The following LRCH1 variants were observed in gnomAD, a reference collection of about 807,000 sequenced individuals.
LRCH1 encodes the protein leucine-rich repeat and calponin homology domain-containing protein 1.
Under a neutral mutation model 94.9 loss-of-function variants are expected in LRCH1, and 23 were observed. The observed-to-expected ratio is 0.24, with a 90% CI of 0.17 to 0.34. LRCH1 has a LOEUF of 0.34. Ranked by LOEUF, LRCH1 falls within the 10% of genes least tolerant of loss-of-function variation. The pLI is 1.00. For missense variants in LRCH1, 790 were observed against 945.9 expected (o/e 0.84, Z 2.16); for synonymous variants, 364 against 354.9 (o/e 1.03, Z -0.29).
chr13:46,615,974 C>A (rs1216181504), intron 1 of LRCH1, among the ~76,000 whole-genome samples: 1 of 152,082 alleles, frequency 6.6e-6, no homozygotes, highest in Non-Finnish European at 1.5e-5. Context: ...CTTGTGGTTA[C>A]GATTTGTTAA....
Position 46,669,145 on chromosome 13 carries a change from T to G in LRCH1, c.568T>G (p.Leu190Val). The G allele has an allele frequency of 6.2e-7, 1 of 1,613,964 alleles. No individual in the cohort carries two copies. The highest frequency in any genetic ancestry group is 1.1e-5 in the South Asian group (1 of 91,062). ...AGAAGAGATAGGTCAGCTCAAACAG[T>G]TAATGGAGCTGGTATGTTACCGATT... The part of the protein sequence containing the change: ...LPEEIGQLKQ[L>V]MELDVSCNEI... Residue 190 changes from leucine (L) to valine (V), a missense_variant, in exon 3 of 20, where the codon TTA becomes GTA. By Grantham distance (32) the Leu-to-Val change is conservative. This residue lies in a region of LRCH1 where 194 missense variants were observed against 293.5 expected (regional missense o/e 0.66). Coordinates refer to ENST00000389797, the MANE Select transcript of LRCH1 (RefSeq NM_001164211.2).
intron 11 of LRCH1, among the ~76,000 whole-genome samples, chr13:46,703,928 TA>T (rs1871619077): frequency 6.6e-6 from 1 of 151,350 alleles, no homozygotes; most frequent in African/African-American, 2.4e-5. Context: ...GAAGGAAATA[TA>T]TTAAGATAGT....
chr13:46,554,435 C>T (rs1372848149), intron 1 of LRCH1, among the ~76,000 whole-genome samples: 2 of 152,098 alleles, frequency 1.3e-5, no homozygotes, highest in Non-Finnish European at 2.9e-5. Flanking sequence ...CAGTTTGGGT[C>T]CTACCACCGA....
chr13:46,613,875 G>A (rs2050774985), intron 1 of LRCH1, among the ~76,000 whole-genome samples: 1 of 152,010 alleles, frequency 6.6e-6, no homozygotes, highest in African/African-American at 2.4e-5. Flanking sequence ...CCTTCTTTCC[G>A]ACATTAAAAA....
intron 1 of LRCH1, among the ~76,000 whole-genome samples, chr13:46,604,141 T>C (rs2137988742): frequency 6.6e-6 from 1 of 152,350 alleles, no homozygotes; most frequent in East Asian, 1.9e-4. Context: ...TTCATATAAA[T>C]AACTACTTTT....
At chr13:46,613,660 G>T (rs2050772713) in intron 1 of LRCH1, among the ~76,000 whole-genome samples, 1 of 152,206 alleles carries the variant, frequency 6.6e-6, no homozygotes, top group South Asian at 2.1e-4. Context: ...TACTCACAGA[G>T]ATTCTGATTT....
intron 3 of LRCH1, among the ~76,000 whole-genome samples, chr13:46,680,820 T>C (rs561309765): frequency 2.0e-5 from 3 of 152,312 alleles, no homozygotes; most frequent in Non-Finnish European, 4.4e-5. Flanking sequence ...TGATGGCATT[T>C]GCACTCTGGC....
At chr13:46,688,606 T>C (rs1870740599) in intron 6 of LRCH1, among the ~76,000 whole-genome samples, 1 of 152,218 alleles carries the variant, frequency 6.6e-6, no homozygotes, top group African/African-American at 2.4e-5. Flanking sequence ...ACTGCAGAAA[T>C]CTTTTCCTTC....
chr13:46,606,146 TTA>T lies in LRCH1; in HGVS notation c.308-44053_308-44052del, dbSNP rs1361215021. Among the ~76,000 whole-genome samples, 14 of 103,970 alleles carry T rather than the reference TTA, an allele frequency of 1.3e-4. No individual in the cohort carries two copies. In the East Asian group the frequency reaches 1.5e-3, roughly 11 times the overall value. 68.2% of individuals were successfully genotyped at this position (103,970 alleles called of 152,430 possible). A position where few individuals can be genotyped will look rare whatever the true frequency, so the allele number is the denominator to read the frequency against. ...AAATGCTCAAACTCTAATTTTAACC[TTA>T]TGTGTGTGTGTGTGTGTGTGTGTGT... is the stretch of plus-strand genomic sequence containing the variant. On this transcript the variant is annotated intron_variant, in intron 1 of 19. Coordinates refer to ENST00000389797, the MANE Select transcript of LRCH1 (RefSeq NM_001164211.2).
At chr13:46,697,740 G>A (rs842400) in intron 9 of LRCH1, among the ~76,000 whole-genome samples, 119,204 of 152,148 alleles carry the variant, frequency 0.78, 46,752 homozygotes, top group African/African-American at 0.84. Context: ...AGAGCACCAC[G>A]AATACTGGTT....
chr13:46,746,995 T>C (rs916353288), downstream of LRCH1, among the ~76,000 whole-genome samples: 4 of 152,272 alleles, frequency 2.6e-5, no homozygotes, highest in African/African-American at 9.6e-5. Flanking sequence ...ATGGCCATGC[T>C]TGTATAAGGT....
intron 1 of LRCH1, among the ~76,000 whole-genome samples, chr13:46,605,789 G>T (rs2050680602): frequency 6.6e-6 from 1 of 152,010 alleles, no homozygotes; most frequent in Non-Finnish European, 1.5e-5. Context: ...TACATTTCTT[G>T]GTTATGAGAT....
At chr13:46,650,775 G>C (rs1057425905) in intron 2 of LRCH1, among the ~76,000 whole-genome samples, 2 of 149,812 alleles carry the variant, frequency 1.3e-5, no homozygotes, top group Non-Finnish European at 3.0e-5. Context: ...GCAATTATTG[G>C]TAACATTGGG....
At chr13:46,687,422 T>G (rs1870678421) in intron 5 of LRCH1, among the ~76,000 whole-genome samples, 1 of 152,222 alleles carries the variant, frequency 6.6e-6, no homozygotes, top group Admixed American at 6.5e-5. Context: ...ATTTTGAAGT[T>G]TATTTTCTTT....
intron 9 of LRCH1, among the ~76,000 whole-genome samples, chr13:46,698,888 A>G (rs1303565019): frequency 6.6e-6 from 1 of 152,352 alleles, no homozygotes; most frequent in East Asian, 1.9e-4. Context: ...TACGTTGTGC[A>G]GCCTATCTCC....
chr13:46,553,759 T>C, intron 1 of LRCH1, 56 bp downstream of exon 1: 8 of 1,586,358 alleles, frequency 5.0e-6, no homozygotes, highest in Non-Finnish European at 6.8e-6. Flanking sequence ...GTGTCTGTCG[T>C]GCGTTCCCTA....
intron 11 of LRCH1, among the ~76,000 whole-genome samples, chr13:46,704,703 T>A (rs1052321351): frequency 1.3e-5 from 2 of 152,084 alleles, no homozygotes; most frequent in African/African-American, 2.4e-5. Flanking sequence ...CAAATGCCAT[T>A]GGTACATATA....
Position 46,631,186 on chromosome 13 carries a change from A to G in LRCH1, c.308-19015A>G, listed in dbSNP as rs80164827. Among the ~76,000 whole-genome samples the G allele has an allele frequency of 5.1e-3, 771 of 152,308 alleles. 4 individuals are homozygous for G. The highest frequency in any genetic ancestry group is 0.017 in the African/African-American group (727 of 41,572). On this transcript the variant is annotated intron_variant, in intron 1 of 19. Transcript: ENST00000389797. ...TGTGATTATTTTCTGCATCCTTTCC[A>G]TAGCAAACATTTCCCTCAAACTACA... is the stretch of plus-strand genomic sequence containing the variant.
At chr13:46,601,783 G>T (rs1329368317) in intron 1 of LRCH1, among the ~76,000 whole-genome samples, 1 of 152,176 alleles carries the variant, frequency 6.6e-6, no homozygotes, top group Non-Finnish European at 1.5e-5. Context: ...TTCGTAGGGG[G>T]TTATGGAGTC....
Sources: allele counts gnomAD v4.1 joint callset (sites outside exome capture counted in the v4.1 genomes callset), GRCh38; gene constraint gnomAD v4.1.1; regional missense constraint gnomAD v4.1.1; transcripts MANE v1.5; gene names NCBI Gene and HGNC (gene_info 2026-07-23, HGNC 2026-07-21).